The following ADRA1A variants were observed in gnomAD, a reference collection of about 807,000 sequenced individuals.
The protein encoded by ADRA1A is alpha-1A adrenergic receptor.
In ADRA1A, 31 loss-of-function variants were observed where a neutral mutation model predicts 29.6. The observed-to-expected ratio is 1.05, with a 90% confidence interval of 0.79 to 1.41. ADRA1A has a LOEUF of 1.41. Ranked by LOEUF, ADRA1A falls within the 40% of genes most tolerant of loss-of-function variation. The probability of loss-of-function intolerance (pLI) is 0.00; values close to 1 mark genes in which losing one functional copy is unlikely to be tolerated. For synonymous variants in ADRA1A, 311 were observed against 254.3 expected, an observed-to-expected ratio of 1.22 and a Z score of -2.12; for missense variants, 619 against 601.1, an observed-to-expected ratio of 1.03 and a Z score of -0.31.
At position 26,770,511 on chromosome 8, in the gene ADRA1A, A is replaced by G. The variant is rs1048101; in HGVS notation, c.1039T>C (p.Cys347Arg). Residue 347 changes from cysteine to arginine, a missense_variant, in exon 3 of 3, where the codon TGC becomes CGC. Transcript: ENST00000380573. Reference sequence around the variant, plus strand: ...GCATGTTTGGAAGACTGCTTTCTGCAGAGACACTGGATTCTCAAGACATTC... The same window carrying G: ...GCATGTTTGGAAGACTGCTTTCTGCGGAGACACTGGATTCTCAAGACATTC... ...FQNVLRIQCL[C>R]RKQSSKHALG... 780,003 of 1,613,560 alleles carry G rather than the reference A, an allele frequency of 0.48. 197,390 individuals carry two copies. The highest frequency in any genetic ancestry group is 0.89 in the East Asian group (39,883 of 44,860).
chr8:26,788,697 C>T (rs903485716), intron 2 of ADRA1A, among the ~76,000 whole-genome samples: 6 of 151,984 alleles, frequency 3.9e-5, no homozygotes, highest in Non-Finnish European at 7.4e-5. Flanking sequence ...TAATAATTTG[C>T]CAAAAAACAA....
rs759237744 is a variant in ADRA1A, at chr8:26,826,886, C to G, written c.883+37201G>C. On this transcript the variant is annotated intron_variant, in intron 2 of 2. Transcript: ENST00000380573. ...TGGAAATAGATTCAAGAGATAATCT[C>G]ATAAGACCTCAGTCAATTACTATAG... Among the ~76,000 whole-genome samples the G allele has an allele frequency of 2.6e-4, 39 of 152,220 alleles. 2 individuals are homozygous for G. The highest frequency in any genetic ancestry group is 2.6e-4 in the Admixed American group (4 of 15,282).
rs1874425 is a variant in ADRA1A at position 26,787,969 on chromosome 8, C to T, written c.884-17303G>A. Among the ~76,000 whole-genome samples the T allele has an allele frequency of 0.36, 54,269 of 151,376 alleles. 11,445 individuals are homozygous for T. Among genetic ancestry groups the T allele is most frequent in the East Asian group, 0.84 (4,327 of 5,140 alleles). The stretch of plus-strand genomic sequence containing the variant: ...AAGGTCAGAAACCGGACATTGAGTA[C>T]ATCTTCCTGCAGAGATGCCCCTGGA... On this transcript the variant is annotated intron_variant, in intron 2 of 2. Transcript: ENST00000380573. This position sits in a 1 kb window ranked among gnomAD's most constrained non-coding sequence, Gnocchi z 4.2.
chr8:26,801,845 A>G (rs1174654608), intron 2 of ADRA1A, among the ~76,000 whole-genome samples: 2 of 152,196 alleles, frequency 1.3e-5, no homozygotes, highest in Non-Finnish European at 2.9e-5. Context: ...TTCAAATTAT[A>G]CTATAGAGCT....
In ADRA1A at chr8:26,796,826, A is replaced by G. The variant is rs1369230143; in HGVS notation, c.884-26160T>C. 6.6e-6 allele frequency among the ~76,000 whole-genome samples: 1 copy of G among 151,602 alleles called. No homozygotes were observed. Among genetic ancestry groups the G allele is most frequent in the African/African-American group, 2.4e-5 (1 of 41,392 alleles). On this transcript the variant is annotated intron_variant, in intron 2 of 2. Coordinates refer to ENST00000380573, the MANE Select transcript of ADRA1A (RefSeq NM_000680.4). This position sits in a 1 kb window ranked among gnomAD's most constrained non-coding sequence, Gnocchi z 5.0. ...GGCAGCCTCTGTAATGTGTGACCAC[A>G]GGAAGCTTTTGCATATGGCTTTGTT... is the stretch of plus-strand genomic sequence containing the variant.
chr8:26,810,296 A>G (rs979516078), intron 2 of ADRA1A, among the ~76,000 whole-genome samples: 2 of 152,198 alleles, frequency 1.3e-5, no homozygotes, highest in African/African-American at 4.8e-5. Context: ...AGCAGTTTCT[A>G]CAGAATGTCA....
intron 2 of ADRA1A, among the ~76,000 whole-genome samples, chr8:26,799,409 A>G (rs1291126614): frequency 6.6e-6 from 1 of 152,194 alleles, no homozygotes; most frequent in African/African-American, 2.4e-5. Context: ...AAGGTGCCAC[A>G]GAGGAGAGAG....
rs144489462 is a variant in ADRA1A, at chr8:26,848,444, G to GCTCT, written c.883+15639_883+15642dup. Among the ~76,000 whole-genome samples, 1 of 150,076 alleles carries GCTCT rather than the reference G, an allele frequency of 6.7e-6. No individual in the cohort carries two copies. Among genetic ancestry groups the GCTCT allele is most frequent in the East Asian group, 2.0e-4 (1 of 5,106 alleles). On this transcript the variant is annotated intron_variant, in intron 2 of 2. Transcript: ENST00000380573. The surrounding 1 kb of genome is among the most constrained non-coding windows in gnomAD (Gnocchi z 4.3). ...TATACAAAGAGGAAGGTACCAGAGA[G>GCTCT]CTCTCTCTCTCTCTCTCTTCATCAG...
intron 2 of ADRA1A, among the ~76,000 whole-genome samples, chr8:26,800,791 T>C (rs576602414): frequency 3.7e-4 from 57 of 152,100 alleles, no homozygotes; most frequent in Non-Finnish European, 7.2e-4. Flanking sequence ...CCAAAACACA[T>C]GAAAAATCAT....
At chr8:26,751,235 T>C (rs1033947500) in intron 2 of ADRA1A, among the ~76,000 whole-genome samples, 2 of 152,214 alleles carry the variant, frequency 1.3e-5, no homozygotes, top group East Asian at 1.9e-4. Context: ...TAGTTTACCA[T>C]GTGCAGATGT....
chr8:26,835,537 C>A (rs774457729), intron 2 of ADRA1A, among the ~76,000 whole-genome samples: 1 of 152,072 alleles, frequency 6.6e-6, no homozygotes, highest in African/African-American at 2.4e-5. Flanking sequence ...GAGGGCCAAG[C>A]GAAGGGAGAA....
chr8:26,826,817 C>A (rs1670582074), intron 2 of ADRA1A, among the ~76,000 whole-genome samples: 1 of 152,172 alleles, frequency 6.6e-6, no homozygotes, highest in Non-Finnish European at 1.5e-5. Flanking sequence ...TGAATTTGAC[C>A]AGTAGGAGAG....
chr8:26,786,971 C>T (rs575713690), intron 2 of ADRA1A, among the ~76,000 whole-genome samples: 1 of 152,132 alleles, frequency 6.6e-6, no homozygotes, highest in Non-Finnish European at 1.5e-5. Context: ...AGACATCATG[C>T]AAAATATTAC....
chr8:26,866,877 C>T lies in ADRA1A; in HGVS notation c.-687+59G>A. 1.0e-6 allele frequency: 1 copy of T among 985,386 alleles called. No individual in the cohort carries two copies. Among genetic ancestry groups the T allele is most frequent in the South Asian group, 4.7e-5 (1 of 21,278 alleles). 61.0% of individuals were successfully genotyped at this position (985,386 alleles called of 1,614,324 possible). ...GTGGGGGTTCCGTCTCACCAGACGGCGGGGGAGGTCTGCCCTCACCCACTC... is the reference window on the plus strand; with the variant it reads ...GTGGGGGTTCCGTCTCACCAGACGGTGGGGGAGGTCTGCCCTCACCCACTC... On this transcript the variant is annotated intron_variant, in intron 1 of 2. Transcript: ENST00000380573. This position sits in a 1 kb window ranked among gnomAD's most constrained non-coding sequence, Gnocchi z 5.7.
chr8:26,798,686 G>C (rs1356338278), intron 2 of ADRA1A, among the ~76,000 whole-genome samples: 2 of 152,140 alleles, frequency 1.3e-5, no homozygotes, highest in African/African-American at 2.4e-5. Context: ...ACAAAGTTTA[G>C]AGAATATACT....
Position 26,815,250 on chromosome 8 carries a change from A to G in ADRA1A, c.884-44584T>C, listed in dbSNP as rs1809676311. Among the ~76,000 whole-genome samples, 1 of 152,212 alleles carries G rather than the reference A, an allele frequency of 6.6e-6. No individual in the cohort carries two copies. Among genetic ancestry groups the G allele is most frequent in the African/African-American group, 2.4e-5 (1 of 41,460 alleles). Reference sequence around the variant, plus strand: ...CACATGCAGATTTCCTTTTCTGGAAATAGGGCATTCTAGAATACTGAAAAC... The same window carrying G: ...CACATGCAGATTTCCTTTTCTGGAAGTAGGGCATTCTAGAATACTGAAAAC... On this transcript the variant is annotated intron_variant, in intron 2 of 2. Coordinates refer to ENST00000380573, the MANE Select transcript of ADRA1A (RefSeq NM_000680.4). The surrounding 1 kb of genome is among the most constrained non-coding windows in gnomAD (Gnocchi z 4.2).
At chr8:26,839,559 C>G (rs545524603) in intron 2 of ADRA1A, among the ~76,000 whole-genome samples, 1 of 152,168 alleles carries the variant, frequency 6.6e-6, no homozygotes, top group Non-Finnish European at 1.5e-5. Flanking sequence ...TAATTACATG[C>G]TAGTCTCCAC....
At chr8:26,824,574 C>G (rs186406266) in intron 2 of ADRA1A, among the ~76,000 whole-genome samples, 1 of 152,114 alleles carries the variant, frequency 6.6e-6, no homozygotes, top group Admixed American at 6.5e-5. Flanking sequence ...CCTGTTCAAT[C>G]GAGTGCTCTT....
chr8:26,865,055 CA>C lies in ADRA1A; in HGVS notation c.-87del. 6.6e-7 allele frequency: 1 copy of C among 1,517,070 alleles called. No individual in the cohort carries two copies. 94.0% of individuals were successfully genotyped at this position (1,517,070 alleles called of 1,614,324 possible). The stretch of plus-strand genomic sequence containing the variant: ...AGGCGGGAGCGCGGGAGCCGGGAAT[CA>C]AAAGGTCTCGGCTGGAGGGAGCCCT... On this transcript the variant is annotated 5_prime_UTR_variant, in exon 2 of 3. It removes the in-frame stop codon of an upstream open reading frame in the 5' UTR. Coordinates refer to ENST00000380573, the MANE Select transcript of ADRA1A (RefSeq NM_000680.4). This position sits in a 1 kb window ranked among gnomAD's most constrained non-coding sequence, Gnocchi z 7.6.
Sources: gnomAD v4.1 joint callset for allele counts (sites outside exome capture counted in the v4.1 genomes callset) on GRCh38, gnomAD v4.1.1 for gene constraint, Gnocchi (gnomAD v3.1) non-coding constraint, MANE v1.5 for transcripts, NCBI Gene and HGNC (gene_info 2026-07-23, HGNC 2026-07-21) for gene names.